Variants in CDH9 observed in about 807,000 individuals in gnomAD.
The protein encoded by CDH9 is cadherin 9, also known as cadherin-9.
Under a neutral mutation model 70.9 loss-of-function variants are expected in CDH9, and 28 were observed. The ratio of observed to expected loss-of-function variants is 0.40; its 90% CI spans 0.29 to 0.54. CDH9 has a LOEUF of 0.54. Among genes scored for constraint, CDH9 ranks in the 20% least tolerant of loss-of-function variants. The pLI is 0.59. For synonymous variants in CDH9, 409 were observed against 343.1 expected (o/e 1.19, Z -2.12); for missense variants, 874 against 984.4 (o/e 0.89, Z 1.50).
chr5:26,897,473 G>T (rs1342419480), intron 7 of CDH9, among the ~76,000 whole-genome samples: 2 of 152,086 alleles, frequency 1.3e-5, no homozygotes, highest in South Asian at 2.1e-4. Context: ...TATCAACCAC[G>T]ATCAAGTTGG....
At chr5:26,979,282 A>C (rs371186237) in intron 2 of CDH9, among the ~76,000 whole-genome samples, 124 of 151,730 alleles carry the variant, frequency 8.2e-4, no homozygotes, top group Non-Finnish European at 1.6e-3. Context: ...TAAAATATAC[A>C]CTATTAATTC....
intron 2 of CDH9, among the ~76,000 whole-genome samples, chr5:26,939,799 C>A (rs953731240): frequency 2.0e-5 from 3 of 152,030 alleles, no homozygotes; most frequent in African/African-American, 7.2e-5. Flanking sequence ...TTTAGGCATG[C>A]ATGCATGGCT....
At chr5:26,960,121 G>A (rs1246392077) in intron 2 of CDH9, among the ~76,000 whole-genome samples, 6 of 151,712 alleles carry the variant, frequency 4.0e-5, no homozygotes, top group Non-Finnish European at 8.8e-5. Context: ...GTAAACAGAA[G>A]ACATCCTAAA....
At chr5:26,891,779 A>C (rs571166477) in intron 7 of CDH9, among the ~76,000 whole-genome samples, 3 of 152,310 alleles carry the variant, frequency 2.0e-5, no homozygotes, top group Admixed American at 6.5e-5. Flanking sequence ...AAGACTAAGA[A>C]GTACTTGACC....
chr5:26,954,720 A>G (rs1314077601), intron 2 of CDH9, among the ~76,000 whole-genome samples: 1 of 152,166 alleles, frequency 6.6e-6, no homozygotes, highest in Non-Finnish European at 1.5e-5. Flanking sequence ...AAAAAAAACA[A>G]ATTACCACCA....
intron 2 of CDH9, among the ~76,000 whole-genome samples, chr5:26,980,448 T>C (rs551861249): frequency 5.9e-5 from 9 of 152,058 alleles, no homozygotes; most frequent in Admixed American, 1.3e-4. Context: ...TGACCCCAAT[T>C]ACCTGAAAAA....
At chr5:26,896,008 G>A (rs1007477523) in intron 7 of CDH9, among the ~76,000 whole-genome samples, 9 of 151,860 alleles carry the variant, frequency 5.9e-5, no homozygotes, top group South Asian at 2.1e-4. Flanking sequence ...TATGCTTTCC[G>A]GTATGGCCTT....
intron 2 of CDH9, among the ~76,000 whole-genome samples, chr5:26,977,041 T>G (rs887796810): frequency 4.6e-5 from 7 of 152,050 alleles, no homozygotes; most frequent in African/African-American, 1.7e-4. Flanking sequence ...TTATTATACA[T>G]TTAAATTAAA....
chr5:26,987,620 A>G (rs1742510104), intron 2 of CDH9, among the ~76,000 whole-genome samples: 1 of 151,994 alleles, frequency 6.6e-6, no homozygotes, highest in African/African-American at 2.4e-5. Context: ...CTTCTTAAAG[A>G]TAGTGTCTTC....
chr5:26,972,211 G>C (rs1399343922), intron 2 of CDH9, among the ~76,000 whole-genome samples: 1 of 152,152 alleles, frequency 6.6e-6, no homozygotes, highest in East Asian at 1.9e-4. Context: ...AATAAGACCA[G>C]TTAGGGGTCT....
intron 5 of CDH9, among the ~76,000 whole-genome samples, 156 bp downstream of exon 5, chr5:26,905,803 G>A (rs1210473435): frequency 1.7e-5 from 1 of 57,810 alleles, no homozygotes; most frequent in Admixed American, 2.0e-4. Context: ...CTATTTGTGG[G>A]AAATTGTGTT....
In CDH9 at chr5:27,027,102, A is replaced by C. The variant is rs1743233322; in HGVS notation, c.-50+11361T>G. On this transcript the variant is annotated intron_variant, in intron 1 of 11. Coordinates refer to ENST00000231021, the MANE Select transcript of CDH9 (RefSeq NM_016279.4). ...AATTTTATTATTATTGACTTAAAAG[A>C]CTTTCATCATTCACTCACATCTCCA... is the stretch of plus-strand genomic sequence containing the variant. Among the ~76,000 whole-genome samples the C allele has an allele frequency of 3.9e-5, 6 of 152,110 alleles. No homozygotes were observed. In the South Asian group the frequency reaches 1.2e-3, roughly 32 times the overall value.
intron 2 of CDH9, among the ~76,000 whole-genome samples, chr5:26,980,074 G>T (rs1387540142): frequency 6.6e-6 from 1 of 151,720 alleles, no homozygotes; most frequent in Non-Finnish European, 1.5e-5. Context: ...AAACATTCAA[G>T]TATATAAGAA....
At chr5:27,004,167 G>C (rs1053940382) in intron 1 of CDH9, among the ~76,000 whole-genome samples, 4 of 149,896 alleles carry the variant, frequency 2.7e-5, no homozygotes, top group Non-Finnish European at 4.4e-5. Flanking sequence ...TGAGCAGAAA[G>C]CTGAAGGGAG....
At chr5:26,937,904 A>G (rs1314944532) in intron 2 of CDH9, among the ~76,000 whole-genome samples, 1 of 152,122 alleles carries the variant, frequency 6.6e-6, no homozygotes, top group African/African-American at 2.4e-5. Context: ...GGTGGATGCA[A>G]GACATTATCC....
intron 4 of CDH9, 115 bp downstream of exon 4, chr5:26,906,604 A>G: frequency 4.3e-6 from 6 of 1,392,886 alleles, no homozygotes; most frequent in Admixed American, 2.4e-5. Context: ...CAGGAAACAA[A>G]TAGAAACATG....
At chr5:26,893,120 A>T (rs536205469) in intron 7 of CDH9, among the ~76,000 whole-genome samples, 1 of 152,286 alleles carries the variant, frequency 6.6e-6, no homozygotes, top group East Asian at 1.9e-4. Flanking sequence ...TAAAGGACAT[A>T]CTATTTAATC....
chr5:26,998,803 C>A (rs1742713746), intron 1 of CDH9, among the ~76,000 whole-genome samples: 1 of 151,936 alleles, frequency 6.6e-6, no homozygotes, highest in Non-Finnish European at 1.5e-5. Context: ...ATGTAAAAGA[C>A]AGAAGTATTC....
chr5:26,944,026 C>G (rs1465008111), intron 2 of CDH9, among the ~76,000 whole-genome samples: 1 of 152,068 alleles, frequency 6.6e-6, no homozygotes, highest in Non-Finnish European at 1.5e-5. Context: ...TTCTCTCATT[C>G]TTATTGATCA....
Sources: gnomAD v4.1 joint callset for allele counts (sites outside exome capture counted in the v4.1 genomes callset) on GRCh38, gnomAD v4.1.1 for gene constraint, MANE v1.5 for transcripts, NCBI Gene and HGNC (gene_info 2026-07-23, HGNC 2026-07-21) for gene names.